GNAO1: variants seen among roughly 807,000 people sequenced by gnomAD.
The protein encoded by GNAO1 is guanine nucleotide-binding protein G(o) subunit alpha.
For missense variants in GNAO1, 166 were observed against 478.7 expected, an observed-to-expected ratio of 0.35 and a Z score of 6.10; for synonymous variants, 164 against 180.7, an observed-to-expected ratio of 0.91 and a Z score of 0.74.
At chr16:56,259,250 C>T (rs1446049245) in intron 2 of GNAO1, among the ~76,000 whole-genome samples, 1 of 152,236 alleles carries the variant, frequency 6.6e-6, no homozygotes, top group African/African-American at 2.4e-5. Flanking sequence ...GTGAATGCCG[C>T]CTCCTTGTCA....
Position 56,336,875 on chromosome 16 carries a change from C to G in GNAO1, c.723+15C>G, listed in dbSNP as rs752075327. The G allele has an allele frequency of 6.2e-7, 1 of 1,602,792 alleles. No individual in the cohort carries two copies. Among genetic ancestry groups the G allele is most frequent in the African/African-American group, 1.3e-5 (1 of 74,792 alleles). On this transcript the variant is annotated intron_variant, in intron 6 of 8. Transcript: ENST00000262493. ...ACGAAACCACGGTGAGTGGCCTGGG[C>G]CCCCCGGGCAGGGGGCAGCGCTGAG...
chr16:56,250,001 G>A (rs570644898), intron 2 of GNAO1, among the ~76,000 whole-genome samples: 2 of 152,284 alleles, frequency 1.3e-5, no homozygotes, highest in African/African-American at 4.8e-5. Context: ...CTCAGACTTG[G>A]CCAACAGGGA....
At chr16:56,229,510 C>A (rs2036567714) in intron 2 of GNAO1, among the ~76,000 whole-genome samples, 1 of 152,138 alleles carries the variant, frequency 6.6e-6, no homozygotes, top group African/African-American at 2.4e-5. Flanking sequence ...GCCCTGCCCC[C>A]ATTGTTGTTT....
chr16:56,343,274 A>C (rs2037823281), intron 6 of GNAO1, among the ~76,000 whole-genome samples: 1 of 151,484 alleles, frequency 6.6e-6, no homozygotes, highest in Non-Finnish European at 1.5e-5. Context: ...GGATCACTTG[A>C]GCTTAGGAAT....
intron 2 of GNAO1, among the ~76,000 whole-genome samples, chr16:56,254,292 A>G (rs1477255502): frequency 6.6e-6 from 1 of 152,122 alleles, no homozygotes; most frequent in Non-Finnish European, 1.5e-5. Flanking sequence ...TTGAAATTTC[A>G]CACTAAAATT....
intron 3 of GNAO1, among the ~76,000 whole-genome samples, chr16:56,291,715 A>C (rs1202252856): frequency 6.6e-6 from 1 of 152,172 alleles, no homozygotes; most frequent in Non-Finnish European, 1.5e-5. Flanking sequence ...GAAACAACAG[A>C]AATGAATTGC....
intron 6 of GNAO1, among the ~76,000 whole-genome samples, chr16:56,342,503 G>A (rs2037815596): frequency 6.6e-6 from 1 of 152,208 alleles, no homozygotes; most frequent in Non-Finnish European, 1.5e-5. Flanking sequence ...CAAACTAGAA[G>A]CTTCTCTCCT....
chr16:56,320,741 T>G (rs542475118), intron 3 of GNAO1, among the ~76,000 whole-genome samples: 2 of 152,198 alleles, frequency 1.3e-5, no homozygotes, highest in African/African-American at 4.8e-5. Flanking sequence ...CACCTATACA[T>G]CCGAGGAAAT....
chr16:56,344,087 G>A, intron 6 of GNAO1: 1 of 1,470,110 alleles, frequency 6.8e-7, no homozygotes, highest in East Asian at 2.4e-5. Context: ...AGGGAGGGAG[G>A]AGGGAGCATC....
chr16:56,333,030 C>G (rs1457746436), intron 4 of GNAO1, among the ~76,000 whole-genome samples: 1 of 152,184 alleles, frequency 6.6e-6, no homozygotes, highest in Non-Finnish European at 1.5e-5. Context: ...GCTCTCTCAC[C>G]CCATCCCCAC....
chr16:56,347,577 A>C (rs2143692633), intron 6 of GNAO1: 1 of 985,586 alleles, frequency 1.0e-6, no homozygotes, highest in South Asian at 4.7e-5. Context: ...GAAAAGCAGA[A>C]AGAATGGCCC....
intron 2 of GNAO1, among the ~76,000 whole-genome samples, chr16:56,256,718 C>CTCTCTGTG (rs1295470655): frequency 1.7e-4 from 12 of 72,306 alleles, no homozygotes; most frequent in African/African-American, 3.8e-4. Flanking sequence ...CTCTCTCTCT[C>CTCTCTGTG]TGTGTGTGTG....
rs181872271 is a variant in GNAO1 at position 56,227,065 on chromosome 16, G to A, written c.161+34449G>A. Among the ~76,000 whole-genome samples, 216 of 152,242 alleles carry A rather than the reference G, an allele frequency of 1.4e-3. 1 individual carries two copies. The highest frequency in any genetic ancestry group is 5.0e-3 in the African/African-American group (208 of 41,538). On this transcript the variant is annotated intron_variant, in intron 2 of 8. Transcript: ENST00000262493. ...GGTTTTGTTTTTTAAGGGGTGTGGC[G>A]GGTAGGGAAAAAGAGGAAGGTGGGG...
intron 2 of GNAO1, among the ~76,000 whole-genome samples, chr16:56,240,101 G>A (rs1223052160): frequency 1.3e-5 from 2 of 152,306 alleles, no homozygotes; most frequent in East Asian, 1.9e-4. Flanking sequence ...TGGATTTAGG[G>A]TGGGGACACA....
intron 3 of GNAO1, among the ~76,000 whole-genome samples, chr16:56,279,525 C>T (rs1297515850): frequency 3.9e-5 from 6 of 152,184 alleles, no homozygotes; most frequent in African/African-American, 1.4e-4. Context: ...TAGTGCCGTC[C>T]TCTTTTCTTC....
intron 3 of GNAO1, among the ~76,000 whole-genome samples, chr16:56,294,273 T>C (rs940568385): frequency 1.3e-5 from 2 of 150,900 alleles, no homozygotes; most frequent in African/African-American, 2.4e-5. Context: ...TAACTCTTTG[T>C]GCAGGATAAG....
chr16:56,343,672 CGG>C (rs2037829126), intron 6 of GNAO1: 4 of 1,021,676 alleles, frequency 3.9e-6, no homozygotes, highest in Non-Finnish European at 5.7e-6. Context: ...GGCCCAAGGC[CGG>C]ATGGCCACAC....
At chr16:56,309,749 C>T (rs16956308) in intron 3 of GNAO1, among the ~76,000 whole-genome samples, 4,724 of 152,296 alleles carry the variant, frequency 0.031, 127 homozygotes, top group African/African-American at 0.072. Context: ...TGCTCCTGTG[C>T]GTGCCGCTCT....
intron 3 of GNAO1, among the ~76,000 whole-genome samples, chr16:56,325,508 G>A (rs972695331): frequency 1.3e-5 from 2 of 152,162 alleles, no homozygotes; most frequent in Non-Finnish European, 2.9e-5. Context: ...ATGCACACAT[G>A]AATAAAATAT....
Sources: gnomAD v4.1 joint callset for allele counts (sites outside exome capture counted in the v4.1 genomes callset) on GRCh38, gnomAD v4.1.1 for gene constraint, MANE v1.5 for transcripts, NCBI Gene and HGNC (gene_info 2026-07-23, HGNC 2026-07-21) for gene names.